Variants in UNC80 observed in about 807,000 individuals in gnomAD.
UNC80 encodes the protein unc-80 subunit of NALCN channel complex, also known as protein unc-80 homolog.
Under a neutral mutation model 384.6 loss-of-function variants are expected in UNC80, and 164 were observed. The ratio of observed to expected loss-of-function variants is 0.43; its 90% CI spans 0.38 to 0.49. UNC80 has a LOEUF of 0.49. UNC80 is among the 20% of genes least tolerant of loss of function. The probability of loss-of-function intolerance (pLI) is 0.00; values close to 1 mark genes in which losing one functional copy is unlikely to be tolerated. For synonymous variants in UNC80, 1,486 were observed against 1,527.8 expected (o/e 0.97, Z 0.64); for missense variants, 3,330 against 4,143.0 (o/e 0.80, Z 5.39).
intron 7 of UNC80, among the ~76,000 whole-genome samples, chr2:209,801,676 CG>C (rs1428088859): frequency 3.7e-5 from 5 of 134,422 alleles, no homozygotes; most frequent in Non-Finnish European, 7.7e-5. Context: ...CTACCATGCC[CG>C]GCCAACCCCT....
chr2:209,812,708 C>A (rs148240712), intron 7 of UNC80, among the ~76,000 whole-genome samples: 3 of 152,234 alleles, frequency 2.0e-5, no homozygotes, highest in African/African-American at 7.2e-5. Context: ...GTCTTTCTTA[C>A]CAGACCACAT....
chr2:209,951,963 C>A (rs574517758), intron 47 of UNC80, among the ~76,000 whole-genome samples: 1 of 152,300 alleles, frequency 6.6e-6, no homozygotes, highest in Non-Finnish European at 1.5e-5. Context: ...CTCATCTCTT[C>A]CTGTGTCTAA....
rs577878875 is a variant in UNC80, at chr2:209,832,930, G to T, written c.2776-1072G>T. 2.0e-5 allele frequency among the ~76,000 whole-genome samples: 3 copies of T among 152,256 alleles called. No homozygotes were observed. In the East Asian group the frequency reaches 5.8e-4, roughly 29 times the overall value. ...TAGGAAGCATCTAGAGCCTGGGGAG[G>T]TTCCACAGGTCTCAATGATTAGCCT... On this transcript the variant is annotated intron_variant, in intron 16 of 64. Coordinates refer to ENST00000673920, the MANE Select transcript of UNC80 (RefSeq NM_001371986.1).
rs572045777 is a variant in UNC80, at chr2:209,815,521, C to T, written c.1335+130C>T. 3.5e-4 allele frequency: 311 copies of T among 898,522 alleles called. No homozygotes were observed. In the African/African-American group the frequency reaches 4.1e-3, roughly 12 times the overall value. The allele number at this position is 898,522 out of a possible 1,614,324, so 55.7% of individuals were successfully genotyped here. On this transcript the variant is annotated intron_variant, in intron 9 of 64. Transcript: ENST00000673920. Reference sequence around the variant, plus strand: ...GGAACTTAGAAACCGAAGTCAGCTCCTAGATGTGACACTGACTTGCAGCAT... The same window carrying T: ...GGAACTTAGAAACCGAAGTCAGCTCTTAGATGTGACACTGACTTGCAGCAT...
At chr2:209,958,280 T>C (rs956049442) in intron 49 of UNC80, among the ~76,000 whole-genome samples, 1 of 152,220 alleles carries the variant, frequency 6.6e-6, no homozygotes, top group African/African-American at 2.4e-5. Context: ...CTGTGTTAGC[T>C]TTAAATATTC....
chr2:209,791,475 C>A (rs1292333394), intron 6 of UNC80, among the ~76,000 whole-genome samples: 2 of 152,100 alleles, frequency 1.3e-5, no homozygotes, highest in Non-Finnish European at 2.9e-5. Context: ...ATAGTGCCTG[C>A]TCATTTTAGC....
At position 209,872,273 on chromosome 2, in the gene UNC80, G is replaced by A. The variant is rs1189436447; in HGVS notation, c.3628-485G>A. On this transcript the variant is annotated intron_variant, in intron 22 of 64. Coordinates refer to ENST00000673920, the MANE Select transcript of UNC80 (RefSeq NM_001371986.1). This position sits in a 1 kb window ranked among gnomAD's most constrained non-coding sequence, Gnocchi z 4.1. ...CAATTTTACCTCTTTGGAACATATG[G>A]ATGGTTATAGACAAAAGACTATTGC... 6.6e-6 allele frequency among the ~76,000 whole-genome samples: 1 copy of A among 152,134 alleles called. No individual in the cohort carries two copies. Among genetic ancestry groups the A allele is most frequent in the Non-Finnish European group, 1.5e-5 (1 of 68,032 alleles).
chr2:209,772,192 G>T, intron 1 of UNC80, 28 bp downstream of exon 1: 1 of 1,484,294 alleles, frequency 6.7e-7, no homozygotes. Flanking sequence ...CGCACCGCGG[G>T]CCGCCCTGGG....
chr2:209,925,880 C>T (rs1020414077), intron 35 of UNC80, among the ~76,000 whole-genome samples: 2 of 152,154 alleles, frequency 1.3e-5, no homozygotes, highest in African/African-American at 4.8e-5. Flanking sequence ...CCTTCATAGG[C>T]CTTCTAAAAT....
At chr2:209,863,729 A>G (rs1435149502) in intron 22 of UNC80, among the ~76,000 whole-genome samples, 3 of 151,890 alleles carry the variant, frequency 2.0e-5, no homozygotes, top group African/African-American at 4.8e-5. Flanking sequence ...CTAGTTAGCA[A>G]TTCCTCTAAC....
chr2:209,783,899 C>T (rs930782893), intron 4 of UNC80, among the ~76,000 whole-genome samples: 10 of 152,126 alleles, frequency 6.6e-5, no homozygotes, highest in African/African-American at 1.9e-4. Context: ...CAGACCTCCT[C>T]GTGTCCATTT....
intron 52 of UNC80, chr2:209,968,096 A>T (rs1389769772): frequency 1.3e-5 from 2 of 153,252 alleles, no homozygotes; most frequent in African/African-American, 2.4e-5. Flanking sequence ...AAGCTTAAAA[A>T]TTCGCAGGAT....
At chr2:209,837,191 T>C (rs950094768) in intron 18 of UNC80, among the ~76,000 whole-genome samples, 1 of 151,896 alleles carries the variant, frequency 6.6e-6, no homozygotes, top group Non-Finnish European at 1.5e-5. Context: ...CTGTAGAAAA[T>C]AATTGCTTTA....
chr2:209,992,212 C>T lies in UNC80; in HGVS notation c.9361C>T (p.Gln3121Ter). The T allele has an allele frequency of 6.4e-7, 1 of 1,551,612 alleles. No homozygotes were observed. The highest frequency in any genetic ancestry group is 1.2e-5 in the South Asian group (1 of 84,056). Residue 3121 changes from glutamine (Q) to a stop codon, truncating the protein, a stop_gained, in exon 62 of 65, where the codon CAG becomes TAG. Coordinates refer to ENST00000673920, the MANE Select transcript of UNC80 (RefSeq NM_001371986.1). LOFTEE classifies it high-confidence loss of function. ...ACCTGGTCAACAGAACCTCCTTGTT[C>T]AGCAGCCGCTGGGGAGGAAGAGGGG... ...SEPGQQNLLV[Q>*]QPLGRKRGLR...
At chr2:209,860,277 C>A (rs115013617) in intron 22 of UNC80, among the ~76,000 whole-genome samples, 2,904 of 152,158 alleles carry the variant, frequency 0.019, 93 homozygotes, top group African/African-American at 0.066. Flanking sequence ...CACCATTTAC[C>A]GAATAGGAAA....
chr2:209,939,748 G>A lies in UNC80; in HGVS notation c.6646+96G>A, dbSNP rs141480931. 8 of 1,176,518 alleles carry A rather than the reference G, an allele frequency of 6.8e-6. No homozygotes were observed. In the African/African-American group the frequency reaches 1.1e-4, roughly 16 times the overall value. The allele number at this position is 1,176,518 out of a possible 1,614,324, so 72.9% of individuals were successfully genotyped here. A position where few individuals can be genotyped will look rare whatever the true frequency, so the allele number is the denominator to read the frequency against. The stretch of plus-strand genomic sequence containing the variant: ...ATTATTATTATACTTTAAGTTTTAG[G>A]GTACATGTGCTCAACGTGCAGGTTT... On this transcript the variant is annotated intron_variant, in intron 43 of 64. Coordinates refer to ENST00000673920, the MANE Select transcript of UNC80 (RefSeq NM_001371986.1).
intron 7 of UNC80, among the ~76,000 whole-genome samples, chr2:209,803,127 C>T (rs2078666546): frequency 2.0e-5 from 3 of 152,162 alleles, no homozygotes; most frequent in Admixed American, 2.0e-4. Flanking sequence ...ATAAGGTAAC[C>T]TAATTATGGG....
chr2:209,889,207 G>T (rs2086107825), intron 26 of UNC80, among the ~76,000 whole-genome samples: 1 of 152,156 alleles, frequency 6.6e-6, no homozygotes, highest in Admixed American at 6.5e-5. Context: ...AATATACTCA[G>T]CCTACAGGTT....
At chr2:209,804,418 C>A (rs1278588034) in intron 7 of UNC80, among the ~76,000 whole-genome samples, 3 of 152,220 alleles carry the variant, frequency 2.0e-5, no homozygotes, top group Non-Finnish European at 4.4e-5. Context: ...CATGTGTTTA[C>A]AGCTGAGTAG....
Sources: allele counts gnomAD v4.1 joint callset (sites outside exome capture counted in the v4.1 genomes callset), GRCh38; gene constraint gnomAD v4.1.1; non-coding constraint Gnocchi (gnomAD v3.1); transcripts MANE v1.5; gene names NCBI Gene and HGNC (gene_info 2026-07-23, HGNC 2026-07-21).